Variants in RTP5 observed in about 807,000 individuals in gnomAD.
RTP5 encodes the protein receptor transporter protein 5 (putative), also known as receptor-transporting protein 5.
RTP5 carries 30 observed loss-of-function variants against 23.5 expected under a neutral mutation model. The observed-to-expected ratio is 1.27, with a 90% CI of 0.95 to 1.73. The LOEUF (loss-of-function observed/expected upper bound fraction) is 1.73, where lower values mean the gene tolerates loss of function less well. Among genes scored for constraint, RTP5 ranks in the 40% most tolerant of loss-of-function variants. RTP5 has a pLI of 0.00. For synonymous variants in RTP5, 354 were observed against 342.1 expected, an observed-to-expected ratio of 1.03 and a Z score of -0.38; for missense variants, 807 against 784.2, an observed-to-expected ratio of 1.03 and a Z score of -0.35.
In RTP5 at chr2:241,872,689, G is replaced by C; in HGVS notation, c.1134G>C (p.Lys378Asn). The C allele has an allele frequency of 6.2e-7, 1 of 1,602,944 alleles. No individual in the cohort carries two copies. The highest frequency in any genetic ancestry group is 8.5e-7 in the Non-Finnish European group (1 of 1,174,766). Residue 378 changes from lysine (K) to asparagine (N), a missense_variant, in exon 2 of 2, where the codon AAG (lysine) becomes AAC (asparagine). Lys to Asn is a moderately conservative substitution (Grantham distance 94, BLOSUM62 0). Transcript: ENST00000343216. ...ITFPFIFTDVKDAVAEVAEGN... is the reference protein window; with the variant it reads ...ITFPFIFTDVNDAVAEVAEGN... ...TCCCCTTCATCTTTACTGATGTCAA[G>C]GATGCCGTTGCTGAGGTGGCTGAAG...
intron 1 of RTP5, among the ~76,000 whole-genome samples, chr2:241,870,277 C>G (rs917917533): frequency 1.3e-5 from 2 of 152,222 alleles, no homozygotes; most frequent in African/African-American, 4.8e-5. Context: ...CGTGCCGGAG[C>G]CTGTGGTCAC....
chr2:241,870,721 A>G (rs1466787459), intron 1 of RTP5, among the ~76,000 whole-genome samples: 1 of 152,260 alleles, frequency 6.6e-6, no homozygotes, highest in East Asian at 1.9e-4. Flanking sequence ...CTGTTCCCAC[A>G]GCCAGGTGGA....
Position 241,872,499 on chromosome 2 carries a change from T to G in RTP5, c.944T>G (p.Leu315Arg). The G allele has an allele frequency of 1.3e-6, 2 of 1,591,536 alleles. No individual in the cohort carries two copies. Among genetic ancestry groups the G allele is most frequent in the Non-Finnish European group, 1.7e-6 (2 of 1,168,814 alleles). The change falls in exon 2 of 2, where the codon CTC becomes CGC. Residue 315 changes from leucine to arginine, a missense_variant. By Grantham distance (102) the Leu-to-Arg change is moderately radical. Coordinates refer to ENST00000343216, the MANE Select transcript of RTP5 (RefSeq NM_173821.3). Reference sequence around the variant, plus strand: ...GGCCCCATCTCCCTCAACAATGGCCTCGTCCCTGTGGGGAAACACACGCCA... The same window carrying G: ...GGCCCCATCTCCCTCAACAATGGCCGCGTCCCTGTGGGGAAACACACGCCA... ...GWGPISLNNG[L>R]VPVGKHTPTV...
intron 1 of RTP5, 92 bp downstream of exon 1, chr2:241,870,006 T>A (rs1460199326): frequency 1.9e-5 from 24 of 1,248,218 alleles, no homozygotes. Flanking sequence ...TGGGTGGGGC[T>A]GTTGGGCCTC....
intron 1 of RTP5, 42 bp from the exon 2 acceptor site, chr2:241,871,672 C>T: frequency 1.3e-6 from 2 of 1,540,194 alleles, no homozygotes; most frequent in Non-Finnish European, 8.7e-7. Flanking sequence ...GGCGTGGGGC[C>T]TCTTTCTCCT....
Position 241,872,997 on chromosome 2 carries a change from TCATAAAGC to T in RTP5, c.1443_1450del (p.Ile482GlnfsTer51), listed in dbSNP as rs1701356590. 6.2e-7 allele frequency: 1 copy of T among 1,613,036 alleles called. No homozygotes were observed. Among genetic ancestry groups the T allele is most frequent in the African/African-American group, 1.3e-5 (1 of 74,930 alleles). ...ACCATCCCCTTCGCAGTCTTCGATGTCATAAAGCGCAAGGGCGGTGGCCACGTTGCCTA... is the reference window on the plus strand; with the variant it reads ...ACCATCCCCTTCGCAGTCTTCGATGTGCAAGGGCGGTGGCCACGTTGCCTA... On this transcript the variant is annotated frameshift_variant, in exon 2 of 2. Coordinates refer to ENST00000343216, the MANE Select transcript of RTP5 (RefSeq NM_173821.3). LOFTEE classifies it high-confidence loss of function.
At chr2:241,871,604 G>T in intron 1 of RTP5, 110 bp from the exon 2 acceptor site, 1 of 1,352,218 alleles carries the variant, frequency 7.4e-7, no homozygotes, top group East Asian at 2.7e-5. Context: ...GAGGCAGGGG[G>T]CAGCGAGGCG....
chr2:241,872,966 T>C lies in RTP5; in HGVS notation c.1411T>C (p.Cys471Arg), dbSNP rs1701355904. ...GGGCCCCATCACGGTTAGTGAGGGCTGCATCACCATCCCCTTCGCAGTCTT... is the reference window on the plus strand; with the variant it reads ...GGGCCCCATCACGGTTAGTGAGGGCCGCATCACCATCCCCTTCGCAGTCTT... ...AEGPITVSEG[C>R]ITIPFAVFDV... Residue 471 changes from cysteine to arginine, a missense_variant, in exon 2 of 2, where the codon TGC becomes CGC. Physicochemically the swap from Cys to Arg is radical, Grantham distance 180. Transcript: ENST00000343216. 6.2e-7 allele frequency: 1 copy of C among 1,613,008 alleles called. No individual in the cohort carries two copies. The highest frequency in any genetic ancestry group is 1.7e-5 in the Admixed American group (1 of 60,000).
chr2:241,872,871 C>T lies in RTP5; in HGVS notation c.1316C>T (p.Thr439Ile). 2 of 1,612,722 alleles carry T rather than the reference C, an allele frequency of 1.2e-6. No homozygotes were observed. The highest frequency in any genetic ancestry group is 1.7e-6 in the Non-Finnish European group (2 of 1,179,960). Residue 439 changes from threonine to isoleucine, a missense_variant, in exon 2 of 2, where the codon ACT (threonine) becomes ATT (isoleucine). Thr to Ile is a moderately conservative substitution (Grantham distance 89). Transcript: ENST00000343216. ...VQGKDAFTDI[T>I]EGKEKEGGLV... ...GGCAAAGATGCCTTTACTGACATCACTGAAGGCAAAGAGAAGGAAGGTGGC... is the reference window on the plus strand; with the variant it reads ...GGCAAAGATGCCTTTACTGACATCATTGAAGGCAAAGAGAAGGAAGGTGGC...
chr2:241,873,123 G>C lies in RTP5; in HGVS notation c.1568G>C (p.Arg523Pro), dbSNP rs747781396. The C allele has an allele frequency of 5.6e-6, 9 of 1,612,456 alleles. No homozygotes were observed. Among genetic ancestry groups the C allele is most frequent in the East Asian group, 2.2e-5 (1 of 44,880 alleles). ...CACAAGGCCCGCTGTGGGTGCCGCC[G>C]GGAGGAAGACGAGCGCCCTGGCCGT... The part of the protein sequence containing the change: ...RFHKARCGCR[R>P]EEDERPGRAC... The change falls in exon 2 of 2, where the codon CGG becomes CCG. Residue 523 changes from arginine to proline, a missense_variant. Transcript: ENST00000343216.
At position 241,871,989 on chromosome 2, in the gene RTP5, A is replaced by G; in HGVS notation, c.434A>G (p.Glu145Gly). Residue 145 changes from glutamate (E) to glycine (G), a missense_variant, in exon 2 of 2, where the codon GAG (glutamate) becomes GGG (glycine). Coordinates refer to ENST00000343216, the MANE Select transcript of RTP5 (RefSeq NM_173821.3). ...AGGGAGGCCTATGAGGGCTGCTGTG[A>G]GGCCTGTGAGCTGGGGGTCTGCTTC... is the stretch of plus-strand genomic sequence containing the variant. ...HPREAYEGCC[E>G]ACELGVCFLQ... 2 of 1,585,514 alleles carry G rather than the reference A, an allele frequency of 1.3e-6. No individual in the cohort carries two copies. Among genetic ancestry groups the G allele is most frequent in the Non-Finnish European group, 1.7e-6 (2 of 1,164,814 alleles).
rs760668978 is a variant in RTP5 at position 241,872,905 on chromosome 2, C to T, written c.1350C>T (p.Thr450=). 1.1e-5 allele frequency: 18 copies of T among 1,612,636 alleles called. No individual in the cohort carries two copies. The highest frequency in any genetic ancestry group is 5.3e-5 in the African/African-American group (4 of 74,898). The part of the protein sequence containing the change: ...EGKEKEGGLV[T]AGHDAPLEAN... ...AAGAGAAGGAAGGTGGCCTGGTCACCGCGGGTCACGACGCCCCTCTGGAGG... is the reference window on the plus strand; with the variant it reads ...AAGAGAAGGAAGGTGGCCTGGTCACTGCGGGTCACGACGCCCCTCTGGAGG... Residue 450 remains threonine, a synonymous_variant, in exon 2 of 2, where the codon ACC becomes ACT. Transcript: ENST00000343216.
rs912054650 is a variant in RTP5 at position 241,871,896 on chromosome 2, T to A, written c.341T>A (p.Leu114His). Residue 114 changes from leucine to histidine, a missense_variant, in exon 2 of 2, where the codon CTC becomes CAC. Coordinates refer to ENST00000343216, the MANE Select transcript of RTP5 (RefSeq NM_173821.3). ...QVRPPGEQPF[L>H]SRLVLHILQD... The stretch of plus-strand genomic sequence containing the variant: ...AGGCCCCCGGGCGAGCAGCCCTTCC[T>A]CAGCAGGCTGGTCTTGCACATCCTG... 9.6e-6 allele frequency: 15 copies of A among 1,563,792 alleles called. No individual in the cohort carries two copies. The highest frequency in any genetic ancestry group is 1.3e-5 in the Non-Finnish European group (15 of 1,153,074).
chr2:241,870,305 C>T (rs1701291912), intron 1 of RTP5, among the ~76,000 whole-genome samples: 1 of 152,234 alleles, frequency 6.6e-6, no homozygotes, highest in East Asian at 1.9e-4. Flanking sequence ...CCCTGTGTTG[C>T]ACACAGCGGG....
Position 241,871,728 on chromosome 2 carries a change from A to T in RTP5, c.173A>T (p.His58Leu). ...CCCCGCCGCAGGCTCCAGTGCGGTC[A>T]CTGTCCGGGGACCTGGGACTCGGCC... Reference protein sequence around the residue: ...LVGLSRLQCGHCPGTWDSAHV... With the variant: ...LVGLSRLQCGLCPGTWDSAHV... The change falls in exon 2 of 2, where the codon CAC becomes CTC. Residue 58 changes from histidine to leucine, a missense_variant. Transcript: ENST00000343216. 1 of 1,605,844 alleles carries T rather than the reference A, an allele frequency of 6.2e-7. No individual in the cohort carries two copies.
chr2:241,870,039 G>T, intron 1 of RTP5, 125 bp downstream of exon 1: 1 of 932,346 alleles, frequency 1.1e-6, no homozygotes, highest in Non-Finnish European at 1.5e-6. Context: ...AGACGGGAGG[G>T]TGGGGCTGGG....
At position 241,872,757 on chromosome 2, in the gene RTP5, G is replaced by A. The variant is rs1020791898; in HGVS notation, c.1202G>A (p.Gly401Asp). 6.3e-6 allele frequency: 10 copies of A among 1,599,160 alleles called. No individual in the cohort carries two copies. The Admixed American group carries it at 1.0e-4, about 16-fold the overall frequency. The change falls in exon 2 of 2, where the codon GGT becomes GAT. Residue 401 changes from glycine to aspartate, a missense_variant. Coordinates refer to ENST00000343216, the MANE Select transcript of RTP5 (RefSeq NM_173821.3). ...EGGGQGLVPV[G>D]HDALPETNAG... The stretch of plus-strand genomic sequence containing the variant: ...GGCGGCCAGGGCCTCGTCCCAGTGG[G>A]TCACGACGCCCTGCCAGAGACCAAT...
intron 1 of RTP5, among the ~76,000 whole-genome samples, chr2:241,870,343 G>A (rs900381681): frequency 6.6e-6 from 1 of 152,256 alleles, no homozygotes; most frequent in Admixed American, 6.5e-5. Flanking sequence ...GGGGCCCGGG[G>A]TGGCTGTGGG....
At position 241,873,532 on chromosome 2, in the gene RTP5, TCCACCTCCGAGACCCC is replaced by T. The variant is rs1263555230; in HGVS notation, c.*259_*274del. 14 of 86,818 alleles carry T rather than the reference TCCACCTCCGAGACCCC, an allele frequency of 1.6e-4. 1 individual carries two copies. The highest frequency in any genetic ancestry group is 5.6e-4 in the South Asian group (3 of 5,334). 5.4% of individuals were successfully genotyped at this position (86,818 alleles called of 1,614,324 possible). On this transcript the variant is annotated 3_prime_UTR_variant, in exon 2 of 2. Transcript: ENST00000343216. ...CCCGCCCCGCCTCCGTGGCCCCGCC[TCCACCTCCGAGACCCC>T]GCCTCCACCTCCGAGACCCCTTTCT...
Sources: allele counts gnomAD v4.1 joint callset (sites outside exome capture counted in the v4.1 genomes callset), GRCh38; gene constraint gnomAD v4.1.1; transcripts MANE v1.5; gene names NCBI Gene and HGNC (gene_info 2026-07-23, HGNC 2026-07-21).